Variants in CEMIP observed in about 807,000 individuals in gnomAD.
CEMIP encodes the protein cell migration inducing hyaluronidase 1, also known as cell migration-inducing and hyaluronan-binding protein.
Under a neutral mutation model 156.9 loss-of-function variants are expected in CEMIP, and 105 were observed. That is an observed-to-expected ratio of 0.67 (90% CI 0.57 to 0.79). CEMIP has a LOEUF of 0.79. CEMIP is among the 30% of genes least tolerant of loss of function. The pLI is 0.00. For synonymous variants in CEMIP, 676 were observed against 668.4 expected, an observed-to-expected ratio of 1.01 and a Z score of -0.17; for missense variants, 1,457 against 1,769.4, an observed-to-expected ratio of 0.82 and a Z score of 3.17.
intron 28 of CEMIP, among the ~76,000 whole-genome samples, chr15:80,945,018 C>T (rs1376397757): frequency 6.6e-6 from 1 of 152,210 alleles, no homozygotes; most frequent in Non-Finnish European, 1.5e-5. Flanking sequence ...CAAGGTAGAT[C>T]CTGTTCTACT....
intron 29 of CEMIP, chr15:80,948,412 G>C (rs1010392674): frequency 3.0e-6 from 1 of 333,598 alleles, no homozygotes; most frequent in Admixed American, 3.9e-5. Context: ...GCCATCATTT[G>C]ATGGATGGGA....
intron 1 of CEMIP, among the ~76,000 whole-genome samples, chr15:80,781,258 T>C (rs986641417): frequency 1.3e-5 from 2 of 152,248 alleles, no homozygotes; most frequent in African/African-American, 2.4e-5. Flanking sequence ...TTACGATTAA[T>C]GATAGAATGG....
At chr15:80,786,144 T>C (rs1192835123) in intron 1 of CEMIP, among the ~76,000 whole-genome samples, 14 of 152,294 alleles carry the variant, frequency 9.2e-5, no homozygotes, top group Admixed American at 9.1e-4. Context: ...AGGAGCACAC[T>C]CTGAAAACTT....
In CEMIP at chr15:80,906,945, T is replaced by C; in HGVS notation, c.1587+107T>C. 1 of 1,291,334 alleles carries C rather than the reference T, an allele frequency of 7.7e-7. No homozygotes were observed. Among genetic ancestry groups the C allele is most frequent in the Non-Finnish European group, 1.1e-6 (1 of 914,362 alleles). 80.0% of individuals were successfully genotyped at this position (1,291,334 alleles called of 1,614,324 possible). ...GGGATGAGGGTGGGGGAACAGGAGG[T>C]GGGATCAAGGGGAGGGCGCCTTCTG... On this transcript the variant is annotated intron_variant, in intron 13 of 29. Coordinates refer to ENST00000394685, the MANE Select transcript of CEMIP (RefSeq NM_001293298.2). The surrounding 1 kb of genome is among the most constrained non-coding windows in gnomAD (Gnocchi z 4.3).
intron 10 of CEMIP, among the ~76,000 whole-genome samples, chr15:80,894,129 G>T (rs1203963575): frequency 6.6e-6 from 1 of 152,200 alleles, no homozygotes; most frequent in East Asian, 1.9e-4. Context: ...TGGGCTGAAT[G>T]CTGGGGACAA....
chr15:80,786,619 T>C (rs1895946419), intron 1 of CEMIP, among the ~76,000 whole-genome samples: 1 of 149,490 alleles, frequency 6.7e-6, no homozygotes, highest in African/African-American at 2.5e-5. Context: ...TCAGTGAAAA[T>C]TGAAAACCAG....
At chr15:80,845,668 G>T (rs1220902059) in intron 1 of CEMIP, among the ~76,000 whole-genome samples, 12 of 152,164 alleles carry the variant, frequency 7.9e-5, no homozygotes, top group Non-Finnish European at 1.6e-4. Flanking sequence ...ATTTTGGTGT[G>T]GTGGGATCTG....
chr15:80,822,468 C>G (rs1361113786), intron 1 of CEMIP, among the ~76,000 whole-genome samples: 1 of 152,196 alleles, frequency 6.6e-6, no homozygotes, highest in Non-Finnish European at 1.5e-5. Flanking sequence ...GCCAGGTTCC[C>G]CTTGGTGTGG....
chr15:80,879,827 G>A lies in CEMIP; in HGVS notation c.353G>A (p.Gly118Asp), dbSNP rs1898586959. 5.0e-6 allele frequency: 8 copies of A among 1,614,034 alleles called. No individual in the cohort carries two copies. Among genetic ancestry groups the A allele is most frequent in the Non-Finnish European group, 6.8e-6 (8 of 1,180,038 alleles). ...HAGSALCPFQ[G>D]NFTIILYGRA... ...GGGAGTGCCCTCTGCCCTTTCCAGG[G>A]CAATTTCACCATCATTTTGTATGGA... Residue 118 changes from glycine to aspartate, a missense_variant, in exon 5 of 30, where the codon GGC becomes GAC. Coordinates refer to ENST00000394685, the MANE Select transcript of CEMIP (RefSeq NM_001293298.2).
At chr15:80,833,792 C>T (rs1240546900) in intron 1 of CEMIP, among the ~76,000 whole-genome samples, 1 of 151,862 alleles carries the variant, frequency 6.6e-6, no homozygotes, top group Non-Finnish European at 1.5e-5. Context: ...CCTCAGCCTC[C>T]TTAGTAGCTG....
At chr15:80,901,335 A>G (rs971553760) in intron 12 of CEMIP, among the ~76,000 whole-genome samples, 5 of 152,172 alleles carry the variant, frequency 3.3e-5, no homozygotes, top group Non-Finnish European at 2.9e-5. Context: ...ATATCTAGAC[A>G]TTTAATTTCC....
At chr15:80,899,048 A>C (rs765377242) in intron 12 of CEMIP, among the ~76,000 whole-genome samples, 22 of 152,248 alleles carry the variant, frequency 1.4e-4, no homozygotes, top group Non-Finnish European at 2.1e-4. Flanking sequence ...CCCCGTCTCT[A>C]CTAAAAATAC....
At chr15:80,876,143 T>A (rs541138834) in intron 3 of CEMIP, among the ~76,000 whole-genome samples, 1 of 152,352 alleles carries the variant, frequency 6.6e-6, no homozygotes, top group South Asian at 2.1e-4. Flanking sequence ...GGATCCTCAG[T>A]TGGCCATATA....
intron 1 of CEMIP, among the ~76,000 whole-genome samples, chr15:80,818,800 T>C (rs1481249550): frequency 6.6e-6 from 1 of 152,196 alleles, no homozygotes; most frequent in Non-Finnish European, 1.5e-5. Context: ...ATTAATAATG[T>C]CTAACATGGG....
At chr15:80,838,967 A>T (rs1897326135) in intron 1 of CEMIP, among the ~76,000 whole-genome samples, 1 of 152,178 alleles carries the variant, frequency 6.6e-6, no homozygotes, top group Non-Finnish European at 1.5e-5. Context: ...GTGCTGAGGT[A>T]TTAGGGGGTT....
intron 1 of CEMIP, among the ~76,000 whole-genome samples, chr15:80,838,590 T>A (rs564466481): frequency 7.9e-4 from 120 of 152,164 alleles, no homozygotes; most frequent in Middle Eastern, 6.8e-3. Flanking sequence ...TTCTCTTTCC[T>A]CTATGTTGTT....
At chr15:80,813,294 A>G (rs998494846) in intron 1 of CEMIP, among the ~76,000 whole-genome samples, 1 of 151,982 alleles carries the variant, frequency 6.6e-6, no homozygotes, top group African/African-American at 2.4e-5. Context: ...GTGTTCAGCA[A>G]GTGTTAGCTG....
intron 3 of CEMIP, among the ~76,000 whole-genome samples, chr15:80,877,909 G>A (rs975385659): frequency 2.0e-5 from 3 of 152,222 alleles, no homozygotes; most frequent in African/African-American, 7.2e-5. Flanking sequence ...CCATGGGAAT[G>A]GTCCTGGCAG....
chr15:80,928,143 C>T (rs1439334445), intron 19 of CEMIP, among the ~76,000 whole-genome samples: 1 of 152,076 alleles, frequency 6.6e-6, no homozygotes, highest in Non-Finnish European at 1.5e-5. Context: ...ATGGAAGGAG[C>T]AGAGGCATAG....
Sources: gnomAD v4.1 joint callset for allele counts (sites outside exome capture counted in the v4.1 genomes callset) on GRCh38, gnomAD v4.1.1 for gene constraint, Gnocchi (gnomAD v3.1) non-coding constraint, MANE v1.5 for transcripts, NCBI Gene and HGNC (gene_info 2026-07-23, HGNC 2026-07-21) for gene names.